The following PTPRD variants were observed in gnomAD, a reference collection of about 807,000 sequenced individuals.
PTPRD encodes receptor-type tyrosine-protein phosphatase delta.
PTPRD carries 34 observed loss-of-function variants against 214.5 expected under a neutral mutation model. The ratio of observed to expected loss-of-function variants is 0.16; its 90% CI spans 0.12 to 0.21. PTPRD has a LOEUF of 0.21. Ranked by LOEUF, PTPRD falls within the 10% of genes least tolerant of loss-of-function variation. The pLI is 1.00. For missense variants in PTPRD, 2,545 were observed against 2,398.7 expected, an observed-to-expected ratio of 1.06 and a Z score of -1.27; for synonymous variants, 1,128 against 845.7, an observed-to-expected ratio of 1.33 and a Z score of -5.79.
At chr9:10,503,251 T>G (rs2044524879) in intron 2 of PTPRD, among the ~76,000 whole-genome samples, 2 of 145,658 alleles carry the variant, frequency 1.4e-5, no homozygotes, top group African/African-American at 5.0e-5. Context: ...TTGGAAAATT[T>G]AATAATTAAG....
intron 8 of PTPRD, among the ~76,000 whole-genome samples, chr9:9,554,716 G>A (rs1434461156): frequency 6.6e-6 from 1 of 151,968 alleles, no homozygotes; most frequent in Admixed American, 6.6e-5. Context: ...CGGATACTGA[G>A]AAATAGAGAT....
chr9:8,689,385 C>T (rs746454199), intron 12 of PTPRD, among the ~76,000 whole-genome samples: 43 of 152,122 alleles, frequency 2.8e-4, no homozygotes, highest in Non-Finnish European at 4.9e-4. Flanking sequence ...AGTGTTTTTA[C>T]ACTGCTGATG....
At chr9:9,984,317 T>G (rs2095636789) in intron 4 of PTPRD, among the ~76,000 whole-genome samples, 1 of 152,200 alleles carries the variant, frequency 6.6e-6, no homozygotes, top group African/African-American at 2.4e-5. Context: ...TTTCTATCTC[T>G]GGTACTCTAG....
At chr9:10,067,633 C>T (rs1239329370) in intron 3 of PTPRD, among the ~76,000 whole-genome samples, 4 of 151,706 alleles carry the variant, frequency 2.6e-5, no homozygotes, top group Admixed American at 6.6e-5. Flanking sequence ...ATTATACTTA[C>T]GAAGGATTAC....
chr9:9,611,807 G>A (rs1268597348), intron 7 of PTPRD, among the ~76,000 whole-genome samples: 1 of 151,944 alleles, frequency 6.6e-6, no homozygotes, highest in Non-Finnish European at 1.5e-5. Context: ...ATTAATTCCT[G>A]GTTTATGTTA....
chr9:8,618,894 GTGTT>G (rs1449317005), intron 14 of PTPRD, among the ~76,000 whole-genome samples: 1 of 133,806 alleles, frequency 7.5e-6, no homozygotes, highest in Non-Finnish European at 1.6e-5. Flanking sequence ...GTGTGTGTGT[GTGTT>G]TGTCTGTGTT....
At chr9:9,962,873 C>A (rs1031893596) in intron 4 of PTPRD, among the ~76,000 whole-genome samples, 1 of 151,974 alleles carries the variant, frequency 6.6e-6, no homozygotes, top group Non-Finnish European at 1.5e-5. Context: ...AGTTGTAATG[C>A]ACCATAACTT....
At chr9:9,316,432 C>T (rs1388650278) in intron 9 of PTPRD, among the ~76,000 whole-genome samples, 1 of 152,100 alleles carries the variant, frequency 6.6e-6, no homozygotes, top group African/African-American at 2.4e-5. Context: ...AACTTATCCT[C>T]AAATTAAAAA....
At chr9:8,494,442 AC>A (rs2097216117) in intron 26 of PTPRD, among the ~76,000 whole-genome samples, 2 of 152,158 alleles carry the variant, frequency 1.3e-5, no homozygotes, top group Admixed American at 1.3e-4. Flanking sequence ...GGATAGAAAA[AC>A]CAAGTAAACT....
chr9:9,020,192 A>G (rs1043243265), intron 10 of PTPRD, among the ~76,000 whole-genome samples: 11 of 152,322 alleles, frequency 7.2e-5, no homozygotes, highest in Admixed American at 1.3e-4. Flanking sequence ...TGCATGCAGT[A>G]TATTATATGA....
intron 14 of PTPRD, among the ~76,000 whole-genome samples, chr9:8,589,567 T>A (rs1174072715): frequency 2.6e-5 from 4 of 152,222 alleles, no homozygotes; most frequent in Admixed American, 1.3e-4. Flanking sequence ...GAGTAGGAAT[T>A]CACTGTCACC....
chr9:10,252,567 C>G (rs1050671851), intron 3 of PTPRD, among the ~76,000 whole-genome samples: 1 of 151,790 alleles, frequency 6.6e-6, no homozygotes, highest in African/African-American at 2.4e-5. Context: ...TATTATTATT[C>G]TGATATTATA....
intron 2 of PTPRD, among the ~76,000 whole-genome samples, chr9:10,369,970 ATATAT>A (rs2097580279): frequency 6.6e-6 from 1 of 152,084 alleles, no homozygotes; most frequent in African/African-American, 2.4e-5. Flanking sequence ...AATACTATAC[ATATAT>A]TATTTCATCA....
chr9:8,522,189 A>C (rs1260376700), intron 19 of PTPRD, among the ~76,000 whole-genome samples: 7 of 152,236 alleles, frequency 4.6e-5, no homozygotes, highest in Non-Finnish European at 1.0e-4. Flanking sequence ...GGCTAACACC[A>C]GTAGAGATAC....
rs565570201 is a variant in PTPRD, at chr9:9,001,862, T to C, written c.-104+16835A>G. ...AGTAGAAACTAGGCACATATTTTTC[T>C]TCTTTGATTCTTCCTATTTCTTTCA... is the stretch of plus-strand genomic sequence containing the variant. On this transcript the variant is annotated intron_variant, in intron 11 of 45. Coordinates refer to ENST00000381196, the MANE Select transcript of PTPRD (RefSeq NM_002839.4). Among the ~76,000 whole-genome samples, 6 of 152,162 alleles carry C rather than the reference T, an allele frequency of 3.9e-5. No homozygotes were observed. The East Asian group carries it at 9.7e-4, about 25-fold the overall frequency.
intron 10 of PTPRD, among the ~76,000 whole-genome samples, chr9:9,050,216 T>C (rs2099682199): frequency 6.6e-6 from 1 of 152,228 alleles, no homozygotes; most frequent in Admixed American, 6.5e-5. Flanking sequence ...TTTAACATTA[T>C]TTTATTGAAT....
chr9:8,555,998 G>A (rs947364961), intron 14 of PTPRD, among the ~76,000 whole-genome samples: 2 of 152,190 alleles, frequency 1.3e-5, no homozygotes, highest in Non-Finnish European at 1.5e-5. Context: ...ACAGATGGAT[G>A]TAAAAAATGT....
rs2098196106 is a variant in PTPRD, at chr9:8,866,395, C to A, written c.-103-132449G>T. ...ATCTCTACTGTTCTCTGGACTAATACAATAATAATCTTTTGCATATTCTTC... is the reference window on the plus strand; with the variant it reads ...ATCTCTACTGTTCTCTGGACTAATAAAATAATAATCTTTTGCATATTCTTC... On this transcript the variant is annotated intron_variant, in intron 11 of 45. Coordinates refer to ENST00000381196, the MANE Select transcript of PTPRD (RefSeq NM_002839.4). Among the ~76,000 whole-genome samples the A allele has an allele frequency of 2.6e-5, 4 of 152,094 alleles. No homozygotes were observed. In the South Asian group the frequency reaches 8.3e-4, roughly 32 times the overall value.
At chr9:10,567,154 T>C (rs1487682862) in intron 2 of PTPRD, among the ~76,000 whole-genome samples, 1 of 152,074 alleles carries the variant, frequency 6.6e-6, no homozygotes, top group African/African-American at 2.4e-5. Flanking sequence ...TACCAGTGCC[T>C]TTAAGAACAG....
Sources: allele counts gnomAD v4.1 joint callset (sites outside exome capture counted in the v4.1 genomes callset), GRCh38; gene constraint gnomAD v4.1.1; transcripts MANE v1.5; gene names NCBI Gene and HGNC (gene_info 2026-07-23, HGNC 2026-07-21).